Variants in B4GALT1 observed in about 807,000 individuals in gnomAD.
B4GALT1 encodes the protein N-acetyllactosamine synthase.
Under a neutral mutation model 34.9 loss-of-function variants are expected in B4GALT1, and 16 were observed. The ratio of observed to expected loss-of-function variants is 0.46; its 90% CI spans 0.31 to 0.70. B4GALT1 has a LOEUF of 0.70. B4GALT1 is among the 30% of genes least tolerant of loss of function. B4GALT1 has a pLI of 0.05. For missense variants in B4GALT1, 445 were observed against 530.5 expected, an observed-to-expected ratio of 0.84 and a Z score of 1.58; for synonymous variants, 221 against 218.1, an observed-to-expected ratio of 1.01 and a Z score of -0.12.
At chr9:33,106,324 C>G (rs555555701), downstream of B4GALT1, among the ~76,000 whole-genome samples, 8 of 152,248 alleles carry the variant, frequency 5.3e-5, no homozygotes, top group South Asian at 1.0e-3. Context: ...CTGAAAGAAG[C>G]CTGGGTAGGG....
intron 2 of B4GALT1, among the ~76,000 whole-genome samples, chr9:33,133,653 T>G (rs527595106): frequency 1.3e-4 from 20 of 152,244 alleles, no homozygotes; most frequent in Non-Finnish European, 2.8e-4. Flanking sequence ...GTGGCTGTCT[T>G]GCTTGCAGGT....
At position 33,167,300 on chromosome 9, in the gene B4GALT1, A is replaced by G; in HGVS notation, c.-131T>C. ...CGGAGCGGGGGCGGGCGAGCGGCTG[A>G]GAGCTGAGACTCCTCCAGCCAGCCA... On this transcript the variant is annotated 5_prime_UTR_variant, in exon 1 of 6. Transcript: ENST00000379731. 8.1e-7 allele frequency: 1 copy of G among 1,240,244 alleles called. No homozygotes were observed. Among genetic ancestry groups the G allele is most frequent in the Non-Finnish European group, 1.1e-6 (1 of 946,224 alleles). 76.8% of individuals were successfully genotyped at this position (1,240,244 alleles called of 1,614,324 possible). A position where few individuals can be genotyped will look rare whatever the true frequency, so the allele number is the denominator to read the frequency against.
intron 1 of B4GALT1, among the ~76,000 whole-genome samples, chr9:33,146,697 C>CT (rs11291171): frequency 5.0e-5 from 7 of 140,858 alleles, no homozygotes; most frequent in Middle Eastern, 3.6e-3. Context: ...TCTTTCTTTT[C>CT]TTTTTTTTTT....
At chr9:33,181,923 G>A in the B4GALT1 span, among the ~76,000 whole-genome samples, 4 of 150,714 alleles carry the variant, frequency 2.7e-5, no homozygotes, top group Admixed American at 6.6e-5. Flanking sequence ...ATATCAAGGT[G>A]TCAGCAGGGA....
chr9:33,167,481 C>T (rs1840786598), upstream of B4GALT1: 1 of 132,264 alleles, frequency 7.6e-6, no homozygotes, highest in Admixed American at 7.3e-5. Flanking sequence ...GGCGGGGCCT[C>T]GGGAGGGTGG....
At chr9:33,121,758 G>A (rs922629015) in intron 2 of B4GALT1, among the ~76,000 whole-genome samples, 2 of 152,014 alleles carry the variant, frequency 1.3e-5, no homozygotes, top group Admixed American at 6.6e-5. Flanking sequence ...CACAATAAGA[G>A]CTCAACAAAT....
intron 1 of B4GALT1, among the ~76,000 whole-genome samples, chr9:33,166,303 C>G (rs1246153624): frequency 6.6e-6 from 1 of 152,208 alleles, no homozygotes; most frequent in African/African-American, 2.4e-5. Flanking sequence ...GAGAGTGGCT[C>G]TATGGCAAGA....
intron 1 of B4GALT1, among the ~76,000 whole-genome samples, chr9:33,138,570 T>C (rs1279890816): frequency 3.3e-5 from 5 of 152,330 alleles, no homozygotes; most frequent in African/African-American, 1.2e-4. Context: ...CACATTTACC[T>C]ACGTCTCCTC....
chr9:33,124,097 G>A (rs1214587111), intron 2 of B4GALT1, among the ~76,000 whole-genome samples: 1 of 152,190 alleles, frequency 6.6e-6, no homozygotes, highest in Admixed American at 6.5e-5. Flanking sequence ...GGAGGAAAGT[G>A]TCCTCCCCGG....
intron 1 of B4GALT1, among the ~76,000 whole-genome samples, chr9:33,159,804 T>TTAGC (rs1415566582): frequency 2.6e-5 from 4 of 152,222 alleles, no homozygotes; most frequent in African/African-American, 9.6e-5. Flanking sequence ...CAGCACTGGT[T>TTAGC]TAGCTAGCTG....
intron 3 of B4GALT1, among the ~76,000 whole-genome samples, chr9:33,118,529 G>A (rs1839973821): frequency 6.6e-6 from 1 of 151,834 alleles, no homozygotes; most frequent in African/African-American, 2.4e-5. Context: ...AATCAGCCAG[G>A]GGTGCTGGCC....
At chr9:33,119,672 T>C (rs914360378) in intron 3 of B4GALT1, among the ~76,000 whole-genome samples, 5 of 152,110 alleles carry the variant, frequency 3.3e-5, no homozygotes, top group Non-Finnish European at 5.9e-5. Flanking sequence ...GCCATGATTG[T>C]GTCACTGCAC....
chr9:33,126,968 GTTT>G (rs1840120440), intron 2 of B4GALT1, among the ~76,000 whole-genome samples: 2 of 152,024 alleles, frequency 1.3e-5, no homozygotes, highest in Non-Finnish European at 2.9e-5. Flanking sequence ...TGTTTTGTTT[GTTT>G]GTTTTTTTAA....
intron 4 of B4GALT1, 31 bp from the exon 5 acceptor site, chr9:33,113,909 C>T: frequency 6.2e-7 from 1 of 1,603,330 alleles, no homozygotes; most frequent in South Asian, 1.1e-5. Context: ...GTCATTATCA[C>T]AGAGCTGCCA....
rs146764307 is a variant in B4GALT1 at position 33,113,906 on chromosome 9, T to C, written c.960-28A>G. ...GCAAAGAGTAAAGGGAAAGTCATTA[T>C]CACAGAGCTGCCATACACTTGGCCT... On this transcript the variant is annotated intron_variant, in intron 4 of 5. Coordinates refer to ENST00000379731, the MANE Select transcript of B4GALT1 (RefSeq NM_001497.4). 845 of 1,606,198 alleles carry C rather than the reference T, an allele frequency of 5.3e-4. 4 individuals carry two copies. The African/African-American group carries it at 9.1e-3, about 17-fold the overall frequency.
At chr9:33,139,719 C>A (rs903091544) in intron 1 of B4GALT1, among the ~76,000 whole-genome samples, 8 of 152,352 alleles carry the variant, frequency 5.3e-5, no homozygotes, top group Admixed American at 3.3e-4. Context: ...TGCAGACCTG[C>A]GACCAGGTTT....
At chr9:33,147,368 C>T (rs1011996478) in intron 1 of B4GALT1, among the ~76,000 whole-genome samples, 53 of 152,024 alleles carry the variant, frequency 3.5e-4, no homozygotes, top group Admixed American at 2.6e-3. Context: ...CCGCCTCAGC[C>T]TCCCAAGTAG....
intron 1 of B4GALT1, among the ~76,000 whole-genome samples, chr9:33,161,019 C>G (rs1840667008): frequency 8.3e-6 from 1 of 120,902 alleles, no homozygotes; most frequent in South Asian, 2.9e-4. Context: ...TGAGGCAAGT[C>G]ATTCTCTCTC....
chr9:33,113,502 T>A lies in B4GALT1; in HGVS notation c.1149A>T (p.Arg383Ser), dbSNP rs777536531. ...CTGTGATTTGGGTATACAATGGGTA[T>A]CTCTGTACATCCAGCACCTGGTAGG... The part of the protein sequence containing the change: ...SLTYQVLDVQ[R>S]YPLYTQITVD... Residue 383 changes from arginine (R) to serine (S), a missense_variant, in exon 6 of 6, where the codon AGA becomes AGT. Physicochemically the swap from Arg to Ser is moderately radical, Grantham distance 110. Coordinates refer to ENST00000379731, the MANE Select transcript of B4GALT1 (RefSeq NM_001497.4). 38 of 1,614,116 alleles carry A rather than the reference T, an allele frequency of 2.4e-5. No individual in the cohort carries two copies. In the Admixed American group the frequency reaches 5.0e-4, roughly 21 times the overall value.
Sources: allele counts gnomAD v4.1 joint callset (sites outside exome capture counted in the v4.1 genomes callset), GRCh38; gene constraint gnomAD v4.1.1; transcripts MANE v1.5; gene names NCBI Gene and HGNC (gene_info 2026-07-23, HGNC 2026-07-21).